Variants in FOXP2 observed in about 807,000 individuals in gnomAD.
FOXP2 encodes the protein forkhead box protein P2.
FOXP2 carries 12 observed loss-of-function variants against 115.8 expected under a neutral mutation model. The observed-to-expected ratio is 0.10, with a 90% CI of 0.07 to 0.17. The LOEUF (loss-of-function observed/expected upper bound fraction) is 0.17. Among genes scored for constraint, FOXP2 ranks in the 10% least tolerant of loss-of-function variants. FOXP2 has a pLI of 1.00. For synonymous variants in FOXP2, 328 were observed against 297.7 expected, an observed-to-expected ratio of 1.10 and a Z score of -1.05; for missense variants, 629 against 843.5, an observed-to-expected ratio of 0.75 and a Z score of 3.15.
intron 2 of FOXP2, among the ~76,000 whole-genome samples, chr7:114,303,762 T>C (rs1320611836): frequency 6.6e-6 from 1 of 152,164 alleles, no homozygotes; most frequent in Non-Finnish European, 1.5e-5. Flanking sequence ...TAGTTATTGG[T>C]TAGTTGTGAA....
chr7:114,598,291 T>A (rs1228026625), intron 3 of FOXP2, among the ~76,000 whole-genome samples: 1 of 152,000 alleles, frequency 6.6e-6, no homozygotes, highest in East Asian at 1.9e-4. Flanking sequence ...CACTTTCATA[T>A]TTAGATATGT....
intron 16 of FOXP2, among the ~76,000 whole-genome samples, chr7:114,687,988 A>G (rs1020924715): frequency 9.2e-5 from 14 of 152,090 alleles, no homozygotes; most frequent in African/African-American, 3.4e-4. Context: ...ACACACACAC[A>G]TATATACATA....
chr7:114,269,940 C>T (rs1488410800), intron 1 of FOXP2, among the ~76,000 whole-genome samples: 1 of 152,136 alleles, frequency 6.6e-6, no homozygotes, highest in African/African-American at 2.4e-5. Context: ...AGGTGCTTTT[C>T]TTAACTGTCT....
intron 1 of FOXP2, among the ~76,000 whole-genome samples, chr7:114,184,376 C>T (rs1029133832): frequency 1.3e-5 from 2 of 152,036 alleles, no homozygotes; most frequent in African/African-American, 2.4e-5. Context: ...CTTTCTATTC[C>T]GGAATTTCAG....
At chr7:114,390,055 TA>T (rs544888390) in intron 2 of FOXP2, among the ~76,000 whole-genome samples, 6 of 142,250 alleles carry the variant, frequency 4.2e-5, no homozygotes, top group East Asian at 2.0e-4. Context: ...CATAACAAGT[TA>T]AAAAAAAAGA....
intron 2 of FOXP2, among the ~76,000 whole-genome samples, chr7:114,492,636 A>T (rs959057177): frequency 1.3e-5 from 2 of 152,048 alleles, no homozygotes; most frequent in African/African-American, 2.4e-5. Context: ...GGTGTCAAAG[A>T]ACATCTTTAT....
chr7:114,112,055 A>ATT, intron 1 of FOXP2, among the ~76,000 whole-genome samples: 1 of 152,060 alleles, frequency 6.6e-6, no homozygotes. Context: ...CAGTACTAAA[A>ATT]CCACTGCCTG....
At chr7:114,257,801 A>G (rs1169600204) in intron 1 of FOXP2, among the ~76,000 whole-genome samples, 1 of 152,144 alleles carries the variant, frequency 6.6e-6, no homozygotes. Flanking sequence ...CAAACCAGAT[A>G]AACTGTTGCT....
chr7:114,474,121 C>A (rs557368193), intron 2 of FOXP2, among the ~76,000 whole-genome samples: 4 of 152,186 alleles, frequency 2.6e-5, no homozygotes, highest in Non-Finnish European at 5.9e-5. Flanking sequence ...AGATTGCATA[C>A]TGGCATATGT....
intron 1 of FOXP2, among the ~76,000 whole-genome samples, chr7:114,100,791 G>A (rs1018005481): frequency 4.6e-5 from 7 of 152,102 alleles, no homozygotes; most frequent in African/African-American, 1.4e-4. Flanking sequence ...AATTTTAATG[G>A]CTAACATTTA....
intron 2 of FOXP2, among the ~76,000 whole-genome samples, chr7:114,325,197 G>A (rs1797525711): frequency 6.6e-6 from 1 of 151,790 alleles, no homozygotes; most frequent in South Asian, 2.1e-4. Flanking sequence ...TAATGTAGGA[G>A]GATCAAAACA....
intron 1 of FOXP2, among the ~76,000 whole-genome samples, chr7:114,217,992 G>A (rs1794527847): frequency 6.6e-6 from 1 of 152,058 alleles, no homozygotes; most frequent in Admixed American, 6.6e-5. Context: ...ATGATAGTAG[G>A]TTTTATTACA....
At chr7:114,267,784 A>T (rs887651646) in intron 1 of FOXP2, among the ~76,000 whole-genome samples, 20 of 136,878 alleles carry the variant, frequency 1.5e-4, no homozygotes, top group African/African-American at 1.9e-4. Flanking sequence ...AATAAATAAA[A>T]TAAATATATA....
Position 114,151,399 on chromosome 7 carries a change from CTA to C in FOXP2, c.-246-11543_-246-11542del, listed in dbSNP as rs1055861647. 2.6e-5 allele frequency among the ~76,000 whole-genome samples: 4 copies of C among 151,892 alleles called. No homozygotes were observed. The South Asian group carries it at 6.2e-4, about 24-fold the overall frequency. On this transcript the variant is annotated intron_variant, in intron 1 of 19. Transcript: ENST00000635638. The stretch of plus-strand genomic sequence containing the variant: ...ATGATTTTCGTAAAAATAAAAATGA[CTA>C]TTTTTGTGAAACTTCTATTTAAGAA...
intron 1 of FOXP2, among the ~76,000 whole-genome samples, chr7:114,146,141 G>A (rs1792362539): frequency 3.9e-5 from 6 of 152,114 alleles, no homozygotes; most frequent in Admixed American, 3.9e-4. Context: ...TTTGGTGGTG[G>A]ATCTAAACTA....
At chr7:114,313,738 C>A (rs1233216156) in intron 2 of FOXP2, among the ~76,000 whole-genome samples, 1 of 47,594 alleles carries the variant, frequency 2.1e-5, no homozygotes, top group Non-Finnish European at 3.5e-5. Flanking sequence ...GAGCGAGACT[C>A]CGTCTCAAAA....
intron 1 of FOXP2, among the ~76,000 whole-genome samples, chr7:114,176,262 C>CTTT (rs1491397185): frequency 1.5e-5 from 2 of 130,080 alleles, no homozygotes; most frequent in African/African-American, 7.4e-5. Context: ...CTCTCTCTTT[C>CTTT]CCTTTCTTTC....
At chr7:114,561,859 A>G (rs2129291414) in intron 3 of FOXP2, among the ~76,000 whole-genome samples, 1 of 152,194 alleles carries the variant, frequency 6.6e-6, no homozygotes, top group East Asian at 1.9e-4. Flanking sequence ...GCATGATCAT[A>G]GTTTACAACA....
Position 114,457,833 on chromosome 7 carries a change from G to T in FOXP2, c.168+31154G>T, listed in dbSNP as rs192552504. Among the ~76,000 whole-genome samples, 1,031 of 151,038 alleles carry T rather than the reference G, an allele frequency of 6.8e-3. 16 individuals carry two copies. The highest frequency in any genetic ancestry group is 0.017 in the Admixed American group (261 of 15,130). On this transcript the variant is annotated intron_variant, in intron 2 of 16. Transcript: ENST00000350908. ...GACTGGCGTGAACCCAGGAGGCAGA[G>T]CTCGCAGTGAGCCGAGATCGTGCCA...
Sources: allele counts gnomAD v4.1 joint callset (sites outside exome capture counted in the v4.1 genomes callset), GRCh38; gene constraint gnomAD v4.1.1; transcripts MANE v1.5; gene names NCBI Gene and HGNC (gene_info 2026-07-23, HGNC 2026-07-21).